The following SSTR5 variants were observed in gnomAD, a reference collection of about 807,000 sequenced individuals.
SSTR5 encodes the protein somatostatin receptor 5.
In SSTR5, 1 loss-of-function variant was observed where a neutral mutation model predicts 0.3. The observed-to-expected ratio is 2.98, with a 90% CI of 1.06 to 14.15. SSTR5 has a LOEUF of 14.15. Among genes scored for constraint, SSTR5 ranks in the 30% most tolerant of loss-of-function variants. The pLI is 0.12. For synonymous variants in SSTR5, 256 were observed against 263.1 expected, an observed-to-expected ratio of 0.97 and a Z score of 0.26; for missense variants, 516 against 543.2, an observed-to-expected ratio of 0.95 and a Z score of 0.50.
At position 1,080,503 on chromosome 16, in the gene SSTR5, T is replaced by G. The variant is rs1748497546; in HGVS notation, c.*540T>G. On this transcript the variant is annotated 3_prime_UTR_variant, in exon 2 of 2. Transcript: ENST00000689027. ...CGCTTGCCCTGCACTGTGTGGACTC[T>G]GGGGATGCAGGTGTAAGGGGAGTGT... Among the ~76,000 whole-genome samples the G allele has an allele frequency of 6.6e-6, 1 of 152,182 alleles. No homozygotes were observed. Among genetic ancestry groups the G allele is most frequent in the Admixed American group, 6.5e-5 (1 of 15,290 alleles).
In SSTR5 at chr16:1,080,041, C is replaced by T; in HGVS notation, c.*78C>T. ...CACTGCGGTGACCCCCACCCATGAC[C>T]TGCCAGTCAGGATGCTCCCCGGCGG... On this transcript the variant is annotated 3_prime_UTR_variant, in exon 2 of 2. Transcript: ENST00000689027. The T allele has an allele frequency of 6.8e-7, 1 of 1,472,990 alleles. No individual in the cohort carries two copies. The highest frequency in any genetic ancestry group is 9.0e-7 in the Non-Finnish European group (1 of 1,108,302). The allele number at this position is 1,472,990 out of a possible 1,614,324, so 91.2% of individuals were successfully genotyped here.
chr16:1,081,033 G>A lies in SSTR5; in HGVS notation c.*1070G>A, dbSNP rs1441576304. The A allele has an allele frequency of 1.1e-5, 5 of 470,148 alleles. No individual in the cohort carries two copies. The highest frequency in any genetic ancestry group is 4.7e-5 in the South Asian group (3 of 64,468). The allele number at this position is 470,148 out of a possible 1,614,324, so 29.1% of individuals were successfully genotyped here. Reference sequence around the variant, plus strand: ...ACTGCTGAGAGGCAGCGGCCGCGCGGGTGACGCAAATGGCAGGCCCTGGGA... The same window carrying A: ...ACTGCTGAGAGGCAGCGGCCGCGCGAGTGACGCAAATGGCAGGCCCTGGGA... On this transcript the variant is annotated 3_prime_UTR_variant, in exon 2 of 2. Coordinates refer to ENST00000689027, the MANE Select transcript of SSTR5 (RefSeq NM_001172560.3).
At chr16:1,075,970 T>G (rs1960189430) in intron 1 of SSTR5, among the ~76,000 whole-genome samples, 1 of 1,490 alleles carries the variant, frequency 6.7e-4, no homozygotes, top group African/African-American at 3.1e-3. Flanking sequence ...TCCCCCTCTC[T>G]CTCCCTCCCC....
In SSTR5 at chr16:1,079,977, G is replaced by C. The variant is rs773681147; in HGVS notation, c.*14G>C. ...AGCAAGCTGTGAGAGTGCAGGCGGG[G>C]GGTGGGCGGCCCCGTGTCACCCCCA... On this transcript the variant is annotated 3_prime_UTR_variant, in exon 2 of 2. Transcript: ENST00000689027. The C allele has an allele frequency of 3.8e-6, 6 of 1,585,078 alleles. No individual in the cohort carries two copies. Among genetic ancestry groups the C allele is most frequent in the East Asian group, 4.5e-5 (2 of 43,982 alleles).
In SSTR5 at chr16:1,079,466, G is replaced by C. The variant is rs143272280; in HGVS notation, c.598G>C (p.Val200Leu). 6.2e-7 allele frequency: 1 copy of C among 1,609,238 alleles called. No homozygotes were observed. The highest frequency in any genetic ancestry group is 1.7e-5 in the Admixed American group (1 of 59,600). Residue 200 changes from valine to leucine, a missense_variant, in exon 2 of 2, where the codon GTC becomes CTC. By Grantham distance (32) the Val-to-Leu change is conservative. Transcript: ENST00000689027. ...GGAGCCCGTGGGGCTGTGGGGCGCC[G>C]TCTTCATCATCTACACGGCCGTGCT... ...WPEPVGLWGAVFIIYTAVLGF... is the reference protein window; with the variant it reads ...WPEPVGLWGALFIIYTAVLGF...
intron 1 of SSTR5, 80 bp from the exon 2 acceptor site, chr16:1,078,762 T>A: frequency 7.1e-7 from 1 of 1,400,412 alleles, no homozygotes; most frequent in Non-Finnish European, 9.7e-7. Flanking sequence ...CAGGCGGGGC[T>A]GGGGCCCAGG....
rs773082314 is a variant in SSTR5, at chr16:1,079,287, C to T, written c.419C>T (p.Ala140Val). 17 of 1,611,508 alleles carry T rather than the reference C, an allele frequency of 1.1e-5. No individual in the cohort carries two copies. In the South Asian group the frequency reaches 1.8e-4, roughly 17 times the overall value. The change falls in exon 2 of 2, where the codon GCA becomes GTA. Residue 140 changes from alanine to valine, a missense_variant. Ala to Val is a moderately conservative substitution (Grantham distance 64). Transcript: ENST00000689027. ...LTVMSVDRYL[A>V]VVHPLSSARW... ...GTCATGAGCGTGGACCGCTACCTGG[C>T]AGTGGTGCACCCGCTGAGCTCGGCC...
At chr16:1,077,673 C>T (rs763909695) in intron 1 of SSTR5, 2 of 152,276 alleles carry the variant, frequency 1.3e-5, no homozygotes, top group Non-Finnish European at 2.9e-5. Flanking sequence ...GATCCACCCG[C>T]CTCGGCCTCC....
In SSTR5 at chr16:1,079,635, T is replaced by C. The variant is rs1308460674; in HGVS notation, c.767T>C (p.Val256Ala). ...VTRMVLVVVL[V>A]FAGCWLPFFT... The stretch of plus-strand genomic sequence containing the variant: ...CGCATGGTGTTGGTGGTGGTGCTGG[T>C]GTTTGCGGGATGTTGGCTGCCCTTC... Residue 256 changes from valine (V) to alanine (A), a missense_variant, in exon 2 of 2, where the codon GTG (valine) becomes GCG (alanine). Coordinates refer to ENST00000689027, the MANE Select transcript of SSTR5 (RefSeq NM_001172560.3). 1 of 1,612,368 alleles carries C rather than the reference T, an allele frequency of 6.2e-7. No homozygotes were observed. Among genetic ancestry groups the C allele is most frequent in the African/African-American group, 1.3e-5 (1 of 75,026 alleles).
intron 1 of SSTR5, among the ~76,000 whole-genome samples, chr16:1,076,257 CCTCCCT>C (rs1256269936): frequency 1.8e-3 from 3 of 1,662 alleles, no homozygotes; most frequent in African/African-American, 8.3e-3. Context: ...CCTGCCACCC[CCTCCCT>C]CTCCCTCTCC....
rs946809737 is a variant in SSTR5, at chr16:1,081,028, G to A, written c.*1065G>A. 8.7e-5 allele frequency: 41 copies of A among 470,192 alleles called. No homozygotes were observed. In the East Asian group the frequency reaches 1.9e-3, roughly 22 times the overall value. 29.1% of individuals were successfully genotyped at this position (470,192 alleles called of 1,614,324 possible). A position where few individuals can be genotyped will look rare whatever the true frequency, so the allele number is the denominator to read the frequency against. On this transcript the variant is annotated 3_prime_UTR_variant, in exon 2 of 2. Coordinates refer to ENST00000689027, the MANE Select transcript of SSTR5 (RefSeq NM_001172560.3). ...ACAGCACTGCTGAGAGGCAGCGGCCGCGCGGGTGACGCAAATGGCAGGCCC... is the reference window on the plus strand; with the variant it reads ...ACAGCACTGCTGAGAGGCAGCGGCCACGCGGGTGACGCAAATGGCAGGCCC...
Position 1,079,218 on chromosome 16 carries a change from C to G in SSTR5, c.350C>G (p.Thr117Arg). 1 of 1,612,522 alleles carries G rather than the reference C, an allele frequency of 6.2e-7. No homozygotes were observed. The highest frequency in any genetic ancestry group is 8.5e-7 in the Non-Finnish European group (1 of 1,179,900). The change falls in exon 2 of 2, where the codon ACG (threonine) becomes AGG (arginine). Residue 117 changes from threonine to arginine, a missense_variant. Coordinates refer to ENST00000689027, the MANE Select transcript of SSTR5 (RefSeq NM_001172560.3). ...FGPVLCRLVM[T>R]LDGVNQFTSV... ...CCCGTCCTGTGCCGCCTGGTCATGA[C>G]GCTGGACGGCGTCAACCAGTTCACC...
Position 1,081,149 on chromosome 16 carries a change from A to T in SSTR5, c.*1186A>T, listed in dbSNP as rs1484910560. On this transcript the variant is annotated 3_prime_UTR_variant, in exon 2 of 2. Coordinates refer to ENST00000689027, the MANE Select transcript of SSTR5 (RefSeq NM_001172560.3). ...CCCCAGGCCCAGAACGTGGGCCCAG[A>T]GAGCCTTGCTGGGGTCTCTGGGGCA... The T allele has an allele frequency of 2.1e-6, 1 of 470,306 alleles. No homozygotes were observed. 29.1% of individuals were successfully genotyped at this position (470,306 alleles called of 1,614,324 possible).
Position 1,079,363 on chromosome 16 carries a change from CCT to C in SSTR5, c.496_497del (p.Leu166ValfsTer143). 6.2e-7 allele frequency: 1 copy of C among 1,600,352 alleles called. No individual in the cohort carries two copies. The highest frequency in any genetic ancestry group is 8.5e-7 in the Non-Finnish European group (1 of 1,173,720). ...AKLASAAAWV[L>X]SLCMSLPLLV... is the part of the protein sequence containing the mutation. Reference sequence around the variant, plus strand: ...AGCTGGCGAGCGCCGCGGCCTGGGTCCTGTCTCTGTGCATGTCGCTGCCGCTC... The same window carrying C: ...AGCTGGCGAGCGCCGCGGCCTGGGTCGTCTCTGTGCATGTCGCTGCCGCTC... On this transcript the variant is annotated frameshift_variant, in exon 2 of 2. Transcript: ENST00000689027. LOFTEE classifies it low-confidence loss of function (END_TRUNC).
In SSTR5 at chr16:1,080,969, G is replaced by T. The variant is rs1300968309; in HGVS notation, c.*1006G>T. On this transcript the variant is annotated 3_prime_UTR_variant, in exon 2 of 2. Coordinates refer to ENST00000689027, the MANE Select transcript of SSTR5 (RefSeq NM_001172560.3). ...ACAGGAGCAGAGGACGGTCATCCAG[G>T]CGCAGCGGGGAGCTGCTCCCCAGGC... 1.1e-5 allele frequency: 5 copies of T among 453,278 alleles called. No homozygotes were observed. The highest frequency in any genetic ancestry group is 2.3e-5 in the Non-Finnish European group (5 of 216,006). The allele number at this position is 453,278 out of a possible 1,614,324, so 28.1% of individuals were successfully genotyped here. A position where few individuals can be genotyped will look rare whatever the true frequency, so the allele number is the denominator to read the frequency against.
Position 1,079,857 on chromosome 16 carries a change from C to G in SSTR5, c.989C>G (p.Ala330Gly). 1 of 1,611,650 alleles carries G rather than the reference C, an allele frequency of 6.2e-7. No homozygotes were observed. The highest frequency in any genetic ancestry group is 2.2e-5 in the East Asian group (1 of 44,864). ...CLRKGSGAKD[A>G]DATEPRPDRI... Reference sequence around the variant, plus strand: ...CGCAAGGGCTCTGGTGCCAAGGACGCTGACGCCACGGAGCCGCGTCCAGAC... The same window carrying G: ...CGCAAGGGCTCTGGTGCCAAGGACGGTGACGCCACGGAGCCGCGTCCAGAC... Residue 330 changes from alanine (A) to glycine (G), a missense_variant, in exon 2 of 2, where the codon GCT becomes GGT. Ala to Gly is a moderately conservative substitution (Grantham distance 60). Coordinates refer to ENST00000689027, the MANE Select transcript of SSTR5 (RefSeq NM_001172560.3).
Position 1,079,991 on chromosome 16 carries a change from G to A in SSTR5, c.*28G>A, listed in dbSNP as rs957704163. On this transcript the variant is annotated 3_prime_UTR_variant, in exon 2 of 2. Coordinates refer to ENST00000689027, the MANE Select transcript of SSTR5 (RefSeq NM_001172560.3). ...GTGCAGGCGGGGGGTGGGCGGCCCC[G>A]TGTCACCCCCAGGAGCGGAGGTTGC... 7.6e-6 allele frequency: 12 copies of A among 1,568,972 alleles called. No individual in the cohort carries two copies. In the East Asian group the frequency reaches 9.2e-5, roughly 12 times the overall value.
At chr16:1,076,990 G>A (rs553817577) in intron 1 of SSTR5, among the ~76,000 whole-genome samples, 10 of 152,268 alleles carry the variant, frequency 6.6e-5, no homozygotes, top group South Asian at 6.2e-4. Flanking sequence ...TGGGCCATGC[G>A]AGCTTGGGGA....
Position 1,080,960 on chromosome 16 carries a change from G to A in SSTR5, c.*997G>A. The A allele has an allele frequency of 2.2e-6, 1 of 448,640 alleles. No individual in the cohort carries two copies. 27.8% of individuals were successfully genotyped at this position (448,640 alleles called of 1,614,324 possible). On this transcript the variant is annotated 3_prime_UTR_variant, in exon 2 of 2. Coordinates refer to ENST00000689027, the MANE Select transcript of SSTR5 (RefSeq NM_001172560.3). ...GGAACGGGGACAGGAGCAGAGGACG[G>A]TCATCCAGGCGCAGCGGGGAGCTGC...
Sources: gnomAD v4.1 joint callset for allele counts (sites outside exome capture counted in the v4.1 genomes callset) on GRCh38, gnomAD v4.1.1 for gene constraint, MANE v1.5 for transcripts, NCBI Gene and HGNC (gene_info 2026-07-23, HGNC 2026-07-21) for gene names.